The following SLC25A17 variants were observed in gnomAD, a reference collection of about 807,000 sequenced individuals.
SLC25A17 encodes the protein peroxisomal membrane protein PMP34.
A neutral mutation model predicts 38.5 loss-of-function variants in SLC25A17; 26 were observed. That is an observed-to-expected ratio of 0.68 (90% CI 0.50 to 0.94). SLC25A17 has a LOEUF of 0.94. Ranked by LOEUF, SLC25A17 falls within the 40% of genes least tolerant of loss-of-function variation. The pLI is 0.00. For synonymous variants in SLC25A17, 139 were observed against 136.2 expected, an observed-to-expected ratio of 1.02 and a Z score of -0.14; for missense variants, 333 against 372.7, an observed-to-expected ratio of 0.89 and a Z score of 0.88.
rs763281350 is a variant in SLC25A17, at chr22:40,819,230, A to G, written c.19T>C (p.Tyr7His). ...GCCACGGCGTGGACCAGGCTTTCGT[A>G]GGACAGCACGGAAGCCATTGGTGCG... MASVLS[Y>H]ESLVHAVAGA... Residue 7 changes from tyrosine to histidine, a missense_variant, in exon 1 of 9, where the codon TAC (tyrosine) becomes CAC (histidine). Physicochemically the swap from Tyr to His is moderately conservative, Grantham distance 83. Transcript: ENST00000435456. The G allele has an allele frequency of 1.2e-6, 2 of 1,613,740 alleles. No individual in the cohort carries two copies. Among genetic ancestry groups the G allele is most frequent in the Middle Eastern group, 1.6e-4 (1 of 6,062 alleles).
At chr22:40,809,681 T>C (rs1198724922) in intron 1 of SLC25A17, among the ~76,000 whole-genome samples, 1 of 152,092 alleles carries the variant, frequency 6.6e-6, no homozygotes, top group Non-Finnish European at 1.5e-5. Context: ...TTCTCAGTTT[T>C]AATTTCTAAC....
At chr22:40,795,681 C>T (rs2057423249) in intron 2 of SLC25A17, among the ~76,000 whole-genome samples, 1 of 152,188 alleles carries the variant, frequency 6.6e-6, no homozygotes, top group African/African-American at 2.4e-5. Context: ...TCTTATAAAG[C>T]AGAGAGGAAA....
intron 4 of SLC25A17, among the ~76,000 whole-genome samples, chr22:40,783,102 TGAAGA>T (rs1381381549): frequency 6.6e-6 from 1 of 152,198 alleles, no homozygotes; most frequent in African/African-American, 2.4e-5. Flanking sequence ...AAACTTGTTA[TGAAGA>T]GAAGTTTAAA....
rs71200615 is a variant in SLC25A17, at chr22:40,775,436, G to GTTT, written c.694-1420_694-1418dup. Reference sequence around the variant, plus strand: ...TGAATAAGTCTCATGAGATCTGATGGTTTTTTTTTTTTTTTTTTTTTTTTT... The same window carrying GTTT: ...TGAATAAGTCTCATGAGATCTGATGGTTTTTTTTTTTTTTTTTTTTTTTTTTTT... On this transcript the variant is annotated intron_variant, in intron 7 of 8. Transcript: ENST00000435456. 2.0e-3 allele frequency among the ~76,000 whole-genome samples: 176 copies of GTTT among 86,850 alleles called. 46 individuals are homozygous for GTTT. Among genetic ancestry groups the GTTT allele is most frequent in the Non-Finnish European group, 3.1e-3 (136 of 44,346 alleles). The allele number at this position is 86,850 out of a possible 152,430, so 57.0% of individuals were successfully genotyped here.
chr22:40,798,992 C>G (rs769600614), intron 2 of SLC25A17, 31 bp downstream of exon 2: 2 of 1,453,872 alleles, frequency 1.4e-6, no homozygotes, highest in Admixed American at 1.9e-5. Context: ...CTTCCTGACA[C>G]CATACAAATA....
At chr22:40,787,126 G>C (rs2057345145) in intron 4 of SLC25A17, among the ~76,000 whole-genome samples, 1 of 152,148 alleles carries the variant, frequency 6.6e-6, no homozygotes, top group South Asian at 2.1e-4. Flanking sequence ...AAAACCTAGG[G>C]GTGGTGGGTA....
intron 1 of SLC25A17, among the ~76,000 whole-genome samples, chr22:40,812,257 A>G (rs922645002): frequency 3.9e-5 from 6 of 152,142 alleles, no homozygotes; most frequent in Non-Finnish European, 4.4e-5. Flanking sequence ...CTAAAAAAAA[A>G]AGATGGTTTA....
intron 4 of SLC25A17, among the ~76,000 whole-genome samples, chr22:40,786,698 C>T (rs180819152): frequency 2.1e-3 from 327 of 152,308 alleles, no homozygotes; most frequent in Middle Eastern, 3.4e-3. Context: ...TTGGCCGAAT[C>T]CACAGATGTG....
At position 40,794,616 on chromosome 22, in the gene SLC25A17, T is replaced by C. The variant is rs145224804; in HGVS notation, c.116-36A>G. The C allele has an allele frequency of 9.7e-5, 140 of 1,445,052 alleles. No individual in the cohort carries two copies. In the Middle Eastern group the frequency reaches 1.1e-3, roughly 11 times the overall value. 89.5% of individuals were successfully genotyped at this position (1,445,052 alleles called of 1,614,324 possible). A position where few individuals can be genotyped will look rare whatever the true frequency, so the allele number is the denominator to read the frequency against. On this transcript the variant is annotated intron_variant, in intron 2 of 8. Transcript: ENST00000435456. ...AAACAGTGCATGTTTATTTTATTAA[T>C]TAAAAAAAAAATTTTTTTTTTGAGA...
At position 40,794,524 on chromosome 22, in the gene SLC25A17, C is replaced by A; in HGVS notation, c.172G>T (p.Glu58Ter). The A allele has an allele frequency of 6.2e-7, 1 of 1,609,830 alleles. No individual in the cohort carries two copies. Among genetic ancestry groups the A allele is most frequent in the Non-Finnish European group, 8.5e-7 (1 of 1,176,464 alleles). The change falls in exon 3 of 9, where the codon GAA becomes TAA. Residue 58 changes from glutamate to a stop codon, truncating the protein, a stop_gained. Coordinates refer to ENST00000435456, the MANE Select transcript of SLC25A17 (RefSeq NM_006358.4). LOFTEE classifies it high-confidence loss of function. The part of the protein sequence containing the change: ...THMVLLEIIK[E>*]EGLLAPYRGW... ...TGAGGTAGTACTCACAGTCCTTCTT[C>A]TTTAATGATCTCCAGGAGCACCATG... is the stretch of plus-strand genomic sequence containing the variant.
intron 1 of SLC25A17, among the ~76,000 whole-genome samples, chr22:40,812,548 A>G (rs1383875491): frequency 2.6e-5 from 4 of 152,186 alleles, no homozygotes; most frequent in South Asian, 2.1e-4. Context: ...TGTTTCTAAA[A>G]TGTTGATTCA....
At chr22:40,813,697 C>A (rs1413231575) in intron 1 of SLC25A17, among the ~76,000 whole-genome samples, 2 of 152,170 alleles carry the variant, frequency 1.3e-5, no homozygotes, top group Non-Finnish European at 2.9e-5. Context: ...GCACTCCAGC[C>A]TGGGCGACAG....
chr22:40,779,252 A>G (rs1202417788), intron 4 of SLC25A17, 127 bp from the exon 5 acceptor site: 1 of 1,539,834 alleles, frequency 6.5e-7, no homozygotes, highest in Non-Finnish European at 8.7e-7. Flanking sequence ...GACCTAAGGT[A>G]AGGTGTCTCT....
At chr22:40,771,942 C>A (rs986493005) in intron 8 of SLC25A17, among the ~76,000 whole-genome samples, 1 of 151,658 alleles carries the variant, frequency 6.6e-6, no homozygotes, top group Non-Finnish European at 1.5e-5. Context: ...GCTTTGCATG[C>A]CTGTATCAAA....
At position 40,789,965 on chromosome 22, in the gene SLC25A17, C is replaced by T. The variant is rs192865600; in HGVS notation, c.334+2560G>A. ...CTTGGACCATTTTCTGACAAGACAA[C>T]AGATGATGCTCACAGTCAACACAGA... On this transcript the variant is annotated intron_variant, in intron 4 of 8. Transcript: ENST00000435456. This position sits in a 1 kb window ranked among gnomAD's most constrained non-coding sequence, Gnocchi z 4.5. Among the ~76,000 whole-genome samples the T allele has an allele frequency of 6.6e-6, 1 of 152,036 alleles. No homozygotes were observed. The highest frequency in any genetic ancestry group is 2.0e-4 in the East Asian group (1 of 5,110).
chr22:40,776,919 T>A, intron 7 of SLC25A17, 121 bp downstream of exon 7: 1 of 820,338 alleles, frequency 1.2e-6, no homozygotes, highest in South Asian at 1.7e-5. Flanking sequence ...AAAAAACAGA[T>A]AGGGAATATT....
intron 4 of SLC25A17, among the ~76,000 whole-genome samples, chr22:40,786,065 C>A (rs939311132): frequency 6.6e-6 from 1 of 152,160 alleles, no homozygotes; most frequent in Non-Finnish European, 1.5e-5. Context: ...AATCCCAGCA[C>A]TTTGGGAGGC....
chr22:40,806,795 T>C (rs1445655868), intron 1 of SLC25A17, among the ~76,000 whole-genome samples: 4 of 152,212 alleles, frequency 2.6e-5, no homozygotes, highest in Non-Finnish European at 5.9e-5. Context: ...TCTGGATATT[T>C]ACTCTAAAGG....
intron 3 of SLC25A17, 75 bp downstream of exon 3, chr22:40,794,439 A>G: frequency 2.3e-6 from 2 of 857,126 alleles, no homozygotes; most frequent in East Asian, 4.9e-5. Flanking sequence ...GATAGAAAGT[A>G]AGCATAACTC....
Sources: allele counts gnomAD v4.1 joint callset (sites outside exome capture counted in the v4.1 genomes callset), GRCh38; gene constraint gnomAD v4.1.1; non-coding constraint Gnocchi (gnomAD v3.1); transcripts MANE v1.5; gene names NCBI Gene and HGNC (gene_info 2026-07-23, HGNC 2026-07-21).